The following RAD54L2 variants were observed in gnomAD, a reference collection of about 807,000 sequenced individuals.
The protein encoded by RAD54L2 is RAD54 like 2.
Under a neutral mutation model 138.4 loss-of-function variants are expected in RAD54L2, and 27 were observed. The ratio of observed to expected loss-of-function variants is 0.20; its 90% CI spans 0.14 to 0.27. The LOEUF (loss-of-function observed/expected upper bound fraction) is 0.27, where lower values mean the gene tolerates loss of function less well. RAD54L2 is among the 10% of genes least tolerant of loss of function. RAD54L2 has a pLI of 1.00. For synonymous variants in RAD54L2, 644 were observed against 723.2 expected, an observed-to-expected ratio of 0.89 and a Z score of 1.76; for missense variants, 1,396 against 1,890.2, an observed-to-expected ratio of 0.74 and a Z score of 4.85.
At chr3:51,660,002 T>G (rs772005718) in intron 21 of RAD54L2, 24 bp from the exon 22 acceptor site, 2 of 1,551,726 alleles carry the variant, frequency 1.3e-6, no homozygotes, top group Non-Finnish European at 1.8e-6. Flanking sequence ...TGCCTCTAAC[T>G]GTCTTCTTCG....
chr3:51,596,913 C>G (rs1331284873), intron 3 of RAD54L2, among the ~76,000 whole-genome samples: 1 of 152,160 alleles, frequency 6.6e-6, no homozygotes, highest in Non-Finnish European at 1.5e-5. Context: ...GCCTATAATC[C>G]CAACACTTTG....
chr3:51,569,895 T>C (rs1699297680), intron 2 of RAD54L2, among the ~76,000 whole-genome samples: 2 of 151,982 alleles, frequency 1.3e-5, no homozygotes, highest in Non-Finnish European at 2.9e-5. Flanking sequence ...AGTGCAGTGA[T>C]GTGATCACAA....
intron 3 of RAD54L2, among the ~76,000 whole-genome samples, chr3:51,624,523 G>A (rs1230464240): frequency 6.6e-6 from 1 of 152,150 alleles, no homozygotes; most frequent in Non-Finnish European, 1.5e-5. Context: ...GCCTCCCAGA[G>A]TGCTGGGATT....
intron 2 of RAD54L2, among the ~76,000 whole-genome samples, chr3:51,573,255 T>C (rs1424513393): frequency 6.6e-6 from 1 of 152,036 alleles, no homozygotes; most frequent in Non-Finnish European, 1.5e-5. Flanking sequence ...CAAGTGAGAC[T>C]TTTTCCTCAG....
intron 3 of RAD54L2, among the ~76,000 whole-genome samples, chr3:51,618,558 C>T (rs1209270603): frequency 6.6e-6 from 1 of 151,842 alleles, no homozygotes. Flanking sequence ...GACTGGGTGA[C>T]AGAGCAAGAC....
chr3:51,645,326 C>G lies in RAD54L2; in HGVS notation c.2656+97C>G. On this transcript the variant is annotated intron_variant, in intron 17 of 22. Transcript: ENST00000684192. This position sits in a 1 kb window ranked among gnomAD's most constrained non-coding sequence, Gnocchi z 6.1. ...GAGGAGCAGGATATGGGAACACAGG[C>G]AGGCTTCGAGAAAGCCAGCATTTCC... 7.8e-7 allele frequency: 1 copy of G among 1,289,122 alleles called. No homozygotes were observed. Among genetic ancestry groups the G allele is most frequent in the Non-Finnish European group, 1.1e-6 (1 of 923,278 alleles). 79.9% of individuals were successfully genotyped at this position (1,289,122 alleles called of 1,614,324 possible). A position where few individuals can be genotyped will look rare whatever the true frequency, so the allele number is the denominator to read the frequency against.
intron 18 of RAD54L2, among the ~76,000 whole-genome samples, chr3:51,646,061 C>A (rs1285398125): frequency 1.3e-5 from 2 of 152,126 alleles, no homozygotes; most frequent in Non-Finnish European, 2.9e-5. Context: ...CTCTGAACTC[C>A]CCCATTCTTT....
At chr3:51,573,319 T>G (rs1444192364) in intron 2 of RAD54L2, among the ~76,000 whole-genome samples, 1 of 152,194 alleles carries the variant, frequency 6.6e-6, no homozygotes, top group Non-Finnish European at 1.5e-5. Context: ...GACTCACCCC[T>G]TTAGAAGGTA....
chr3:51,660,944 G>A lies in RAD54L2; in HGVS notation c.3409+826G>A, dbSNP rs750334035. Among the ~76,000 whole-genome samples, 10 of 147,498 alleles carry A rather than the reference G, an allele frequency of 6.8e-5. No individual in the cohort carries two copies. In the South Asian group the frequency reaches 1.3e-3, roughly 19 times the overall value. The stretch of plus-strand genomic sequence containing the variant: ...CATAAGTTTCTCCTCCACCATGGTC[G>A]CAGACATCCATTGCTCCTCCTTTTT... On this transcript the variant is annotated intron_variant, in intron 22 of 22. Transcript: ENST00000684192.
chr3:51,658,999 A>G (rs1701681649), intron 21 of RAD54L2, among the ~76,000 whole-genome samples: 1 of 152,086 alleles, frequency 6.6e-6, no homozygotes, highest in African/African-American at 2.4e-5. Flanking sequence ...TTTGGAGTAC[A>G]GTCATGCCAC....
chr3:51,629,945 CAGA>C (rs747568916), intron 5 of RAD54L2, among the ~76,000 whole-genome samples: 8 of 152,306 alleles, frequency 5.3e-5, no homozygotes, highest in African/African-American at 1.9e-4. Context: ...AGCACACAAT[CAGA>C]AGAAGATCAT....
rs71084151 is a variant in RAD54L2 at position 51,592,054 on chromosome 3, G to GT, written c.139+1524dup. On this transcript the variant is annotated intron_variant, in intron 3 of 22. Transcript: ENST00000684192. ...TGTAGCTGTGCAATTTGGTTTTGGTGTTTTTTTTTTTTTTTTTTTTTTTTT... is the reference window on the plus strand; with the variant it reads ...TGTAGCTGTGCAATTTGGTTTTGGTGTTTTTTTTTTTTTTTTTTTTTTTTTT... Among the ~76,000 whole-genome samples, 548 of 66,850 alleles carry GT rather than the reference G, an allele frequency of 8.2e-3. 73 individuals are homozygous for GT. Among genetic ancestry groups the GT allele is most frequent in the Non-Finnish European group, 0.011 (441 of 38,866 alleles). 43.9% of individuals were successfully genotyped at this position (66,850 alleles called of 152,430 possible).
chr3:51,647,902 G>A (rs1311170882), intron 19 of RAD54L2, among the ~76,000 whole-genome samples: 1 of 152,124 alleles, frequency 6.6e-6, no homozygotes, highest in Non-Finnish European at 1.5e-5. Context: ...GGTGATTTCT[G>A]CATTTCCAAC....
At chr3:51,539,400 T>G (rs1415392586) in intron 1 of RAD54L2, among the ~76,000 whole-genome samples, 1 of 151,930 alleles carries the variant, frequency 6.6e-6, no homozygotes, top group African/African-American at 2.4e-5. Context: ...AGAAGAGGCA[T>G]TGAGAGTTTA....
Position 51,545,827 on chromosome 3 carries a change from T to G in RAD54L2, c.-55+4177T>G, listed in dbSNP as rs562434957. Among the ~76,000 whole-genome samples, 5 of 152,078 alleles carry G rather than the reference T, an allele frequency of 3.3e-5. No homozygotes were observed. In the East Asian group the frequency reaches 9.6e-4, roughly 29 times the overall value. ...AACTCTTGGGCTCAAGTGATCCTTC[T>G]GCGTTGGCCTCCCAATCAAATTAGT... On this transcript the variant is annotated intron_variant, in intron 2 of 22. Coordinates refer to ENST00000684192, the MANE Select transcript of RAD54L2 (RefSeq NM_015106.4).
Position 51,656,107 on chromosome 3 carries a change from A to G in RAD54L2, c.3163A>G (p.Asn1055Asp). The G allele has an allele frequency of 6.2e-7, 1 of 1,614,016 alleles. No individual in the cohort carries two copies. The highest frequency in any genetic ancestry group is 8.5e-7 in the Non-Finnish European group (1 of 1,179,900). The change falls in exon 20 of 23, where the codon AAC becomes GAC. Residue 1055 changes from asparagine (N) to aspartate (D), a missense_variant. By Grantham distance (23) the Asn-to-Asp change is conservative (BLOSUM62 1). Around this residue, in one of 7 missense-constraint regions of RAD54L2, gnomAD observed 634 missense variants for 711.2 expected, o/e 0.89. Coordinates refer to ENST00000684192, the MANE Select transcript of RAD54L2 (RefSeq NM_015106.4). ...SSASSTNPSM[N>D]FPINYLQRAG... ...TGCCTCCAGCACAAATCCATCCATGAACTTTCCCATCAACTACTTGCAGCG... is the reference window on the plus strand; with the variant it reads ...TGCCTCCAGCACAAATCCATCCATGGACTTTCCCATCAACTACTTGCAGCG...
intron 19 of RAD54L2, among the ~76,000 whole-genome samples, chr3:51,648,667 T>G (rs1701349960): frequency 6.6e-6 from 1 of 152,106 alleles, no homozygotes; most frequent in South Asian, 2.1e-4. Flanking sequence ...GCAAACAGGG[T>G]TTGGAGTGGA....
intron 2 of RAD54L2, among the ~76,000 whole-genome samples, chr3:51,588,185 CAAAAAAA>C (rs987919898): frequency 1.6e-4 from 2 of 12,714 alleles, no homozygotes; most frequent in African/African-American, 3.0e-4. Context: ...GACTCCATCT[CAAAAAAA>C]AAAAAAAAAA....
intron 2 of RAD54L2, among the ~76,000 whole-genome samples, chr3:51,586,869 A>C (rs568353177): frequency 1.3e-5 from 2 of 151,820 alleles, no homozygotes; most frequent in Admixed American, 1.3e-4. Context: ...ATGCCTGGCC[A>C]AAACACTCTT....
Sources: gnomAD v4.1 joint callset for allele counts (sites outside exome capture counted in the v4.1 genomes callset) on GRCh38, gnomAD v4.1.1 for gene constraint, gnomAD v4.1.1 regional missense constraint, Gnocchi (gnomAD v3.1) non-coding constraint, MANE v1.5 for transcripts, NCBI Gene and HGNC (gene_info 2026-07-23, HGNC 2026-07-21) for gene names.